Variants in AKAP19 observed in about 807,000 individuals in gnomAD.
AKAP19 encodes small A-kinase anchoring protein.
At chr2:189,957,726 A>G in the AKAP19 span, among the ~76,000 whole-genome samples, 3 of 152,246 alleles carry the variant, frequency 2.0e-5, no homozygotes, top group Non-Finnish European at 4.4e-5. Context: ...TGAATAAGGA[A>G]AAGATGTTTG....
the AKAP19 span, among the ~76,000 whole-genome samples, chr2:189,947,781 C>T: frequency 6.6e-6 from 1 of 152,014 alleles, no homozygotes; most frequent in African/African-American, 2.4e-5. Flanking sequence ...CTAATTCTAA[C>T]CACTCTAGCT....
At chr2:189,925,506 G>C in the AKAP19 span, among the ~76,000 whole-genome samples, 1 of 152,128 alleles carries the variant, frequency 6.6e-6, no homozygotes, top group Admixed American at 6.5e-5. Flanking sequence ...AACCATAGGG[G>C]CTAGAGATAA....
At chr2:190,196,866 G>C in the AKAP19 span, among the ~76,000 whole-genome samples, 1 of 152,126 alleles carries the variant, frequency 6.6e-6, no homozygotes, top group African/African-American at 2.4e-5. Flanking sequence ...GTCCATTCAG[G>C]ATGGTATAAC....
At chr2:190,096,310 A>G in the AKAP19 span, among the ~76,000 whole-genome samples, 242 of 152,354 alleles carry the variant, frequency 1.6e-3, no homozygotes, top group Non-Finnish European at 2.8e-3. Flanking sequence ...GTACATTACA[A>G]AGTTACCACA....
At chr2:190,182,500 G>A in the AKAP19 span, among the ~76,000 whole-genome samples, 3 of 152,126 alleles carry the variant, frequency 2.0e-5, no homozygotes. Context: ...TAACCCTAGG[G>A]TTACTGTGAG....
the AKAP19 span, among the ~76,000 whole-genome samples, chr2:189,932,387 G>A: frequency 1.5e-5 from 2 of 133,680 alleles, no homozygotes; most frequent in East Asian, 2.2e-4. Flanking sequence ...CAGCCTGGGC[G>A]ACTGAGCGAG....
the AKAP19 span, among the ~76,000 whole-genome samples, chr2:189,929,662 T>C: frequency 1.3e-5 from 2 of 152,094 alleles, no homozygotes; most frequent in Non-Finnish European, 2.9e-5. Flanking sequence ...ATAGCACTTA[T>C]AACAGATTAT....
the AKAP19 span, among the ~76,000 whole-genome samples, chr2:190,087,903 T>C: frequency 6.6e-6 from 1 of 152,194 alleles, no homozygotes; most frequent in Non-Finnish European, 1.5e-5. Context: ...TACCATAATC[T>C]TTTGTATAAA....
At chr2:189,893,661 T>A in the AKAP19 span, among the ~76,000 whole-genome samples, 1 of 152,198 alleles carries the variant, frequency 6.6e-6, no homozygotes, top group African/African-American at 2.4e-5. Context: ...GCTGTTCCTG[T>A]TCGGCCATCG....
chr2:190,017,635 C>T, the AKAP19 span, among the ~76,000 whole-genome samples: 1 of 152,032 alleles, frequency 6.6e-6, no homozygotes, highest in African/African-American at 2.4e-5. Context: ...TTAGCTATAG[C>T]TGTTTTCATA....
chr2:190,076,339 C>T, the AKAP19 span, among the ~76,000 whole-genome samples: 26 of 152,144 alleles, frequency 1.7e-4, no homozygotes, highest in African/African-American at 6.3e-4. Context: ...TTAAAAATGC[C>T]TTCAAACATT....
the AKAP19 span, chr2:190,062,795 A>G: frequency 1.3e-5 from 7 of 555,040 alleles, no homozygotes; most frequent in South Asian, 4.5e-5. Flanking sequence ...GTCAGGATCT[A>G]TGATTGGCTC....
chr2:190,101,350 C>G, the AKAP19 span, among the ~76,000 whole-genome samples: 2 of 152,218 alleles, frequency 1.3e-5, no homozygotes, highest in Non-Finnish European at 2.9e-5. Flanking sequence ...CAGCCAGGAC[C>G]AGCTCGGTAA....
the AKAP19 span, among the ~76,000 whole-genome samples, chr2:190,118,289 C>A: frequency 7.9e-5 from 12 of 152,176 alleles, no homozygotes; most frequent in Admixed American, 1.3e-4. Context: ...ACCAGAGGTA[C>A]AAGGAGGAGC....
At chr2:190,059,843 T>A in the AKAP19 span, among the ~76,000 whole-genome samples, 1 of 151,924 alleles carries the variant, frequency 6.6e-6, no homozygotes, top group Non-Finnish European at 1.5e-5. Context: ...GTATAATTGT[T>A]TTCTAAAATC....
chr2:189,971,073 T>C, the AKAP19 span, among the ~76,000 whole-genome samples: 3 of 152,156 alleles, frequency 2.0e-5, no homozygotes, highest in African/African-American at 7.2e-5. Context: ...CTTGTTGGTG[T>C]GCTGCACCCA....
the AKAP19 span, chr2:190,199,571 G>GTTTTC: frequency 2.6e-6 from 1 of 381,194 alleles, no homozygotes; most frequent in South Asian, 7.8e-5. Context: ...ATAAGATAAA[G>GTTTTC]CTGTTTGTTT....
the AKAP19 span, among the ~76,000 whole-genome samples, chr2:190,160,677 A>G: frequency 6.6e-6 from 1 of 151,064 alleles, no homozygotes. Flanking sequence ...GTTTTAAGTA[A>G]TTAGCTCTCT....
chr2:190,160,924 A>G, the AKAP19 span, among the ~76,000 whole-genome samples: 3 of 152,280 alleles, frequency 2.0e-5, no homozygotes, highest in South Asian at 4.1e-4. Flanking sequence ...ATGAAATCTA[A>G]TCGAGTACTT....
Sources: gnomAD v4.1 joint callset for allele counts (sites outside exome capture counted in the v4.1 genomes callset) on GRCh38, gnomAD v4.1.1 for gene constraint, MANE v1.5 for transcripts, NCBI Gene and HGNC (gene_info 2026-07-23, HGNC 2026-07-21) for gene names.